The following COL6A3 variants were observed in gnomAD, a reference collection of about 807,000 sequenced individuals.
COL6A3 encodes the protein collagen alpha-3(VI) chain.
Under a neutral mutation model 274.1 loss-of-function variants are expected in COL6A3, and 137 were observed. The observed-to-expected ratio is 0.50, with a 90% CI of 0.44 to 0.58. COL6A3 has a LOEUF of 0.58. Ranked by LOEUF, COL6A3 falls within the 20% of genes least tolerant of loss-of-function variation. The pLI, the probability that COL6A3 is intolerant of heterozygous loss-of-function variation, is 0.00. For synonymous variants in COL6A3, 1,650 were observed against 1,650.6 expected, an observed-to-expected ratio of 1.00 and a Z score of 0.01; for missense variants, 3,950 against 4,124.9, an observed-to-expected ratio of 0.96 and a Z score of 1.16.
At chr2:237,406,387 T>C (rs2078719018) in intron 1 of COL6A3, among the ~76,000 whole-genome samples, 2 of 152,190 alleles carry the variant, frequency 1.3e-5, no homozygotes. Context: ...TTTGGTTTTC[T>C]CCAAGCACTG....
At chr2:237,359,274 G>A (rs1015538448) in intron 18 of COL6A3, 24 bp from the exon 19 acceptor site, 4 of 1,614,050 alleles carry the variant, frequency 2.5e-6, no homozygotes, top group African/African-American at 1.3e-5. Context: ...AGGCGGACAG[G>A]TAAGTATAGA....
rs375341787 is a variant in COL6A3 at position 237,373,186 on chromosome 2, G to A, written c.3680-849C>T. Among the ~76,000 whole-genome samples, 15 of 152,290 alleles carry A rather than the reference G, an allele frequency of 9.8e-5. 1 individual carries two copies. The highest frequency in any genetic ancestry group is 2.6e-4 in the African/African-American group (11 of 41,550). On this transcript the variant is annotated intron_variant, in intron 8 of 43. Coordinates refer to ENST00000295550, the MANE Select transcript of COL6A3 (RefSeq NM_004369.4). ...GAGTGAGTGGGCAAAGAGCCACAGC[G>A]TTGTGGAAATGTACGTTCCTGACAA...
rs748003678 is a variant in COL6A3 at position 237,371,827 on chromosome 2, A to G, written c.4190T>C (p.Leu1397Pro). ...YVFSVSTFRELPSLEQKLLTP... is the reference protein window; with the variant it reads ...YVFSVSTFREPPSLEQKLLTP... ...CAGCAGTTTCTGCTCCAGGCTGGGC[A>G]GCTCCCGGAAGGTGCTCACCGAGAA... Residue 1397 changes from leucine to proline, a missense_variant, in exon 9 of 44, where the codon CTG becomes CCG. Around this residue, in one of 5 missense-constraint regions of COL6A3, gnomAD observed 1,934 missense variants for 1,984.3 expected, o/e 0.97. Transcript: ENST00000295550. This position sits in a 1 kb window ranked among gnomAD's most constrained non-coding sequence, Gnocchi z 4.3. 6.2e-7 allele frequency: 1 copy of G among 1,613,554 alleles called. No homozygotes were observed. Among genetic ancestry groups the G allele is most frequent in the Non-Finnish European group, 8.5e-7 (1 of 1,179,962 alleles).
rs564625671 is a variant in COL6A3 at position 237,341,690 on chromosome 2, C to T, written c.7765+375G>A. ...ACTAACCTAAAATCTTTGTAGCATA[C>T]CATGTGCTGGCATTTTTAAAAGAAA... On this transcript the variant is annotated intron_variant, in intron 37 of 43. Transcript: ENST00000295550. Among the ~76,000 whole-genome samples the T allele has an allele frequency of 1.4e-3, 207 of 151,710 alleles. 1 individual carries two copies. The highest frequency in any genetic ancestry group is 0.011 in the South Asian group (55 of 4,806).
At position 237,344,424 on chromosome 2, in the gene COL6A3, T is replaced by G. The variant is rs772408418; in HGVS notation, c.7594A>C (p.Lys2532Gln). The change falls in exon 36 of 44, where the codon AAG becomes CAG. Residue 2532 changes from lysine (K) to glutamine (Q), a missense_variant. Transcript: ENST00000295550. The surrounding 1 kb of genome is among the most constrained non-coding windows in gnomAD (Gnocchi z 4.8). ...ASPQLREAVL[K>Q]LSDAGITPLF... is the part of the protein sequence containing the mutation. ...GGGGTGATCCCCGCATCTGAGAGCT[T>G]GAGCACAGCCTCTCTGAGCTGTGGG... The G allele has an allele frequency of 6.2e-7, 1 of 1,614,184 alleles. No individual in the cohort carries two copies. Among genetic ancestry groups the G allele is most frequent in the Non-Finnish European group, 8.5e-7 (1 of 1,180,012 alleles).
At chr2:237,411,121 G>T (rs1355763226) in intron 1 of COL6A3, among the ~76,000 whole-genome samples, 3 of 152,150 alleles carry the variant, frequency 2.0e-5, no homozygotes, top group African/African-American at 7.2e-5. Flanking sequence ...GTTTGCTCCC[G>T]TAAGTCAGGG....
chr2:237,408,308 C>T lies in COL6A3; in HGVS notation c.-31+5645G>A, dbSNP rs905769916. On this transcript the variant is annotated intron_variant, in intron 1 of 43. Transcript: ENST00000295550. ...CCTCCCTTTTGTGTAAAAGAAGGCT[C>T]CTTGCCTGTTGCTCGAACAGGCCAT... Among the ~76,000 whole-genome samples, 12 of 152,326 alleles carry T rather than the reference C, an allele frequency of 7.9e-5. No individual in the cohort carries two copies. In the East Asian group the frequency reaches 2.3e-3, roughly 29 times the overall value.
rs2077854773 is a variant in COL6A3, at chr2:237,376,835, C to T, written c.3007G>A (p.Gly1003Arg). The part of the protein sequence containing the change: ...ILAAESLPKI[G>R]DLHPQIVNLL... ...TTCACTATCTGTGGATGAAGATCTCCAATCTTGGGAAGCGACTCTGCAGCC... is the reference window on the plus strand; with the variant it reads ...TTCACTATCTGTGGATGAAGATCTCTAATCTTGGGAAGCGACTCTGCAGCC... Residue 1003 changes from glycine (G) to arginine (R), a missense_variant, in exon 7 of 44, where the codon GGA becomes AGA. Physicochemically the swap from Gly to Arg is moderately radical, Grantham distance 125. Transcript: ENST00000295550. 6.2e-7 allele frequency: 1 copy of T among 1,604,908 alleles called. No homozygotes were observed. The highest frequency in any genetic ancestry group is 8.5e-7 in the Non-Finnish European group (1 of 1,172,616).
intron 20 of COL6A3, 102 bp downstream of exon 20, chr2:237,358,933 G>C: frequency 6.8e-6 from 9 of 1,325,144 alleles, no homozygotes; most frequent in Non-Finnish European, 9.8e-6. Flanking sequence ...AAGGCTGCCT[G>C]GAGGAAGCGG....
chr2:237,398,129 C>T (rs557337887), intron 1 of COL6A3, among the ~76,000 whole-genome samples: 5 of 152,362 alleles, frequency 3.3e-5, no homozygotes, highest in African/African-American at 9.6e-5. Context: ...CCATGTCAAG[C>T]CTTGTCCATA....
rs116531505 is a variant in COL6A3 at position 237,393,818 on chromosome 2, C to T, written c.709+769G>A. ...AGGCTTAACTGGTTAAATAACCTGT[C>T]GGCCAATTAGCTCTGTACATGCAAC... On this transcript the variant is annotated intron_variant, in intron 3 of 43. Coordinates refer to ENST00000295550, the MANE Select transcript of COL6A3 (RefSeq NM_004369.4). 3.5e-3 allele frequency among the ~76,000 whole-genome samples: 527 copies of T among 152,330 alleles called. 1 individual carries two copies. The highest frequency in any genetic ancestry group is 5.8e-3 in the Non-Finnish European group (393 of 68,026).
At chr2:237,325,823 AGG>A in intron 42 of COL6A3, 99 bp from the exon 43 acceptor site, 1 of 1,022,734 alleles carries the variant, frequency 9.8e-7, no homozygotes, top group Admixed American at 2.4e-5. Flanking sequence ...CTGTGGCAGA[AGG>A]AAAAAAAAGA....
At chr2:237,359,418 AG>A in intron 17 of COL6A3, 30 bp from the exon 18 acceptor site, 1 of 1,613,302 alleles carries the variant, frequency 6.2e-7, no homozygotes, top group Non-Finnish European at 8.5e-7. Context: ...GGGAAGCATT[AG>A]CTTTTCCTGC....
At chr2:237,350,029 C>A in intron 28 of COL6A3, 118 bp downstream of exon 28, 4 of 972,156 alleles carry the variant, frequency 4.1e-6, no homozygotes, top group South Asian at 1.3e-5. Flanking sequence ...TATTTCCAGC[C>A]GTATCCCCAA....
chr2:237,363,239 T>TA lies in COL6A3; in HGVS notation c.6063+13dup, dbSNP rs11385011. 0.18 allele frequency: 291,326 copies of TA among 1,610,626 alleles called. 27,850 individuals carry two copies. Among genetic ancestry groups the TA allele is most frequent in the African/African-American group, 0.25 (18,694 of 74,516 alleles). On this transcript the variant is annotated intron_variant, in intron 14 of 43. Transcript: ENST00000295550. ...CTACACTGGTCTGTGTATAAAGACATAAAAAAAACTCACAAGCTGCTCCGC... is the reference window on the plus strand; with the variant it reads ...CTACACTGGTCTGTGTATAAAGACATAAAAAAAAACTCACAAGCTGCTCCGC...
chr2:237,364,434 G>T lies in COL6A3; in HGVS notation c.5839-6C>A, dbSNP rs1398591573. The T allele has an allele frequency of 1.2e-6, 2 of 1,610,216 alleles. No homozygotes were observed. The highest frequency in any genetic ancestry group is 1.7e-6 in the Non-Finnish European group (2 of 1,176,688). On this transcript the variant is annotated splice_polypyrimidine_tract_variant and splice_region_variant and intron_variant, in intron 12 of 43. Coordinates refer to ENST00000295550, the MANE Select transcript of COL6A3 (RefSeq NM_004369.4). The surrounding 1 kb of genome is among the most constrained non-coding windows in gnomAD (Gnocchi z 4.6). ...TCAGTAAAATGAATGACCACCTGCAGATAAGAGAGCTGTCAAATCCCAGGA... is the reference window on the plus strand; with the variant it reads ...TCAGTAAAATGAATGACCACCTGCATATAAGAGAGCTGTCAAATCCCAGGA...
At chr2:237,333,419 C>T (rs754525826) in intron 42 of COL6A3, 31 bp downstream of exon 42, 1 of 1,586,296 alleles carries the variant, frequency 6.3e-7, no homozygotes, top group Non-Finnish European at 8.7e-7. Context: ...TTCTTAGTGC[C>T]ATTAATGGAC....
chr2:237,391,510 GTT>G (rs781070570), intron 3 of COL6A3, among the ~76,000 whole-genome samples: 68 of 86,992 alleles, frequency 7.8e-4, no homozygotes, highest in Non-Finnish European at 1.2e-3. Context: ...TTCACTGTTT[GTT>G]TGTTTGTTTG....
At position 237,327,851 on chromosome 2, in the gene COL6A3, G is replaced by A. The variant is rs188335846; in HGVS notation, c.9329-2127C>T. ...TGTTTTAAAGCAAAAAAAAAAAAAAGTATTTAAATGTCCTGGAGTACCAAG... is the reference window on the plus strand; with the variant it reads ...TGTTTTAAAGCAAAAAAAAAAAAAAATATTTAAATGTCCTGGAGTACCAAG... On this transcript the variant is annotated intron_variant, in intron 42 of 43. Coordinates refer to ENST00000295550, the MANE Select transcript of COL6A3 (RefSeq NM_004369.4). The A allele has an allele frequency of 5.3e-5, 8 of 150,788 alleles. No homozygotes were observed. In the East Asian group the frequency reaches 1.6e-3, roughly 29 times the overall value. The allele number at this position is 150,788 out of a possible 1,614,324, so 9.3% of individuals were successfully genotyped here.
Sources: gnomAD v4.1 joint callset for allele counts (sites outside exome capture counted in the v4.1 genomes callset) on GRCh38, gnomAD v4.1.1 for gene constraint, gnomAD v4.1.1 regional missense constraint, Gnocchi (gnomAD v3.1) non-coding constraint, MANE v1.5 for transcripts, NCBI Gene and HGNC (gene_info 2026-07-23, HGNC 2026-07-21) for gene names.